Variants in ASTN2 observed in about 807,000 individuals in gnomAD.
ASTN2 encodes the protein astrotactin 2, also known as astrotactin-2.
A neutral mutation model predicts 139.8 loss-of-function variants in ASTN2; 54 were observed. The ratio of observed to expected loss-of-function variants is 0.39; its 90% CI spans 0.31 to 0.48. The LOEUF is 0.48. Ranked by LOEUF, ASTN2 falls within the 20% of genes least tolerant of loss-of-function variation. ASTN2 has a pLI of 0.95. For missense variants in ASTN2, 1,565 were observed against 1,725.1 expected (o/e 0.91, Z 1.64); for synonymous variants, 756 against 719.5 (o/e 1.05, Z -0.81).
intron 3 of ASTN2, among the ~76,000 whole-genome samples, chr9:117,199,808 G>A (rs1831642247): frequency 6.6e-6 from 1 of 152,108 alleles, no homozygotes; most frequent in South Asian, 2.1e-4. Flanking sequence ...ATTTCCTTGA[G>A]CAGTGGTTTG....
At chr9:116,723,474 T>C (rs140120852) in intron 16 of ASTN2, among the ~76,000 whole-genome samples, 6 of 152,150 alleles carry the variant, frequency 3.9e-5, no homozygotes, top group Non-Finnish European at 5.9e-5. Flanking sequence ...AGCACTGCAC[T>C]ATCTCTCCTC....
At chr9:117,095,856 G>T (rs141074349) in intron 5 of ASTN2, among the ~76,000 whole-genome samples, 188 bp downstream of exon 5, 1 of 152,246 alleles carries the variant, frequency 6.6e-6, no homozygotes, top group Non-Finnish European at 1.5e-5. Context: ...AGCAAATAAA[G>T]AATAAGCCAG....
intron 2 of ASTN2, among the ~76,000 whole-genome samples, chr9:117,255,826 T>C (rs1417391532): frequency 2.0e-5 from 3 of 152,160 alleles, no homozygotes; most frequent in African/African-American, 7.2e-5. Flanking sequence ...AGAAGCTTTC[T>C]AGAAGCCACC....
chr9:116,890,848 G>GCA (rs1483420071), intron 10 of ASTN2, among the ~76,000 whole-genome samples: 1 of 152,140 alleles, frequency 6.6e-6, no homozygotes, highest in Non-Finnish European at 1.5e-5. Context: ...ACCGCCTGAG[G>GCA]CAGCTGCTCA....
chr9:117,236,930 G>C (rs139599391), intron 2 of ASTN2, among the ~76,000 whole-genome samples: 1 of 152,206 alleles, frequency 6.6e-6, no homozygotes, highest in Non-Finnish European at 1.5e-5. Flanking sequence ...AGTTATCCCA[G>C]AAATGCAAAA....
intron 19 of ASTN2, chr9:116,543,625 A>G (rs1851968990): frequency 6.6e-6 from 1 of 152,190 alleles, no homozygotes; most frequent in African/African-American, 2.4e-5. Flanking sequence ...CTTTCAAATT[A>G]TAATCCCTTA....
At chr9:117,225,535 G>GTATATATATATATATA (rs58184768) in intron 2 of ASTN2, among the ~76,000 whole-genome samples, 3 of 63,960 alleles carry the variant, frequency 4.7e-5, no homozygotes, top group Admixed American at 2.0e-4. Flanking sequence ...CAAGCTGTAT[G>GTATATATATATATATA]TATATATATA....
At chr9:116,992,181 A>G (rs1483857936) in intron 7 of ASTN2, among the ~76,000 whole-genome samples, 1 of 152,172 alleles carries the variant, frequency 6.6e-6, no homozygotes, top group East Asian at 1.9e-4. Context: ...AAGAGGAAGA[A>G]AATTAAGCAC....
intron 3 of ASTN2, among the ~76,000 whole-genome samples, chr9:117,174,978 G>A (rs1830881414): frequency 6.6e-6 from 1 of 151,944 alleles, no homozygotes; most frequent in Non-Finnish European, 1.5e-5. Context: ...CAGTCTGGAA[G>A]AGCATTAGAA....
At chr9:116,908,835 A>G (rs1413774080) in intron 10 of ASTN2, among the ~76,000 whole-genome samples, 1 of 152,230 alleles carries the variant, frequency 6.6e-6, no homozygotes, top group Non-Finnish European at 1.5e-5. Flanking sequence ...TGACATACAC[A>G]TGCATGAAGT....
intron 20 of ASTN2, among the ~76,000 whole-genome samples, chr9:116,453,588 C>T (rs1288811488): frequency 5.2e-5 from 4 of 76,776 alleles, no homozygotes; most frequent in Non-Finnish European, 9.4e-5. Context: ...TGCGAGACTC[C>T]GTCTCAAAAA....
chr9:116,909,931 C>A (rs1834265529), intron 10 of ASTN2, among the ~76,000 whole-genome samples: 1 of 152,076 alleles, frequency 6.6e-6, no homozygotes, highest in South Asian at 2.1e-4. Flanking sequence ...TCCTGGGAGA[C>A]AGGGGAAGGA....
chr9:117,099,624 G>C (rs963801300), intron 4 of ASTN2, among the ~76,000 whole-genome samples: 4 of 152,188 alleles, frequency 2.6e-5, no homozygotes, highest in Admixed American at 2.6e-4. Flanking sequence ...AAGAACCCTA[G>C]GAGATAGGTT....
At chr9:117,328,249 G>A (rs111943501) in intron 1 of ASTN2, among the ~76,000 whole-genome samples, 2 of 152,254 alleles carry the variant, frequency 1.3e-5, no homozygotes, top group East Asian at 3.9e-4. Flanking sequence ...GATGGGATAG[G>A]TTGCACGCAT....
chr9:116,779,274 C>A (rs1260496824), intron 13 of ASTN2, among the ~76,000 whole-genome samples: 1 of 152,076 alleles, frequency 6.6e-6, no homozygotes, highest in Non-Finnish European at 1.5e-5. Flanking sequence ...TATAAGAGAG[C>A]TTAACAGAGG....
chr9:116,742,641 G>T (rs1053641586), intron 13 of ASTN2, among the ~76,000 whole-genome samples: 2 of 152,138 alleles, frequency 1.3e-5, no homozygotes, highest in African/African-American at 4.8e-5. Flanking sequence ...AGGAGCTCCT[G>T]GGAGAGGGTA....
At chr9:117,329,279 A>G (rs1240506717) in intron 1 of ASTN2, among the ~76,000 whole-genome samples, 7 of 150,508 alleles carry the variant, frequency 4.7e-5, no homozygotes, top group Non-Finnish European at 7.4e-5. Flanking sequence ...TTGAAAACAC[A>G]GGTATGAGGT....
chr9:117,104,641 T>C (rs1027464216), intron 4 of ASTN2, among the ~76,000 whole-genome samples: 1 of 152,162 alleles, frequency 6.6e-6, no homozygotes, highest in Non-Finnish European at 1.5e-5. Flanking sequence ...TGCAAAAACA[T>C]ATTGAAGGAA....
chr9:116,461,888 G>A (rs1848498006), intron 20 of ASTN2, among the ~76,000 whole-genome samples: 1 of 152,170 alleles, frequency 6.6e-6, no homozygotes. Context: ...GACGACAACA[G>A]TGAGAAACCC....
Sources: allele counts gnomAD v4.1 joint callset (sites outside exome capture counted in the v4.1 genomes callset), GRCh38; gene constraint gnomAD v4.1.1; transcripts MANE v1.5; gene names NCBI Gene and HGNC (gene_info 2026-07-23, HGNC 2026-07-21).